The following OXR1 variants were observed in gnomAD, a reference collection of about 807,000 sequenced individuals.
OXR1 encodes oxidation resistance protein 1.
A neutral mutation model predicts 104.6 loss-of-function variants in OXR1; 41 were observed. The observed-to-expected ratio is 0.39, with a 90% CI of 0.31 to 0.51. OXR1 has a LOEUF of 0.51. OXR1 is among the 20% of genes least tolerant of loss of function. OXR1 has a pLI of 0.77. For missense variants in OXR1, 955 were observed against 1,031.9 expected (o/e 0.93, Z 1.02); for synonymous variants, 348 against 348.4 (o/e 1.00, Z 0.01).
chr8:106,334,547 T>C (rs1814873855), intron 1 of OXR1, among the ~76,000 whole-genome samples: 1 of 152,174 alleles, frequency 6.6e-6, no homozygotes, highest in East Asian at 1.9e-4. Context: ...AAGTATGATG[T>C]TAGCTGTGAA....
intron 2 of OXR1, among the ~76,000 whole-genome samples, chr8:106,467,481 A>C (rs1307946127): frequency 1.3e-5 from 2 of 151,772 alleles, no homozygotes; most frequent in African/African-American, 2.4e-5. Flanking sequence ...AGGCAGCATG[A>C]CCCTCAGCCT....
chr8:106,689,602 A>C (rs1829079914), intron 6 of OXR1, among the ~76,000 whole-genome samples: 2 of 151,962 alleles, frequency 1.3e-5, no homozygotes, highest in African/African-American at 4.8e-5. Flanking sequence ...AGGAAAGGGG[A>C]AATTTAGAAA....
chr8:106,603,997 G>A (rs1236008242), intron 3 of OXR1, among the ~76,000 whole-genome samples: 2 of 152,152 alleles, frequency 1.3e-5, no homozygotes, highest in Non-Finnish European at 1.5e-5. Flanking sequence ...TTGTTGCAGT[G>A]AGCCGAGATA....
At chr8:106,400,463 G>T (rs771272306) in intron 2 of OXR1, among the ~76,000 whole-genome samples, 1 of 152,114 alleles carries the variant, frequency 6.6e-6, no homozygotes, top group African/African-American at 2.4e-5. Context: ...TTTTAGACTG[G>T]AAGATTCCCA....
chr8:106,609,811 A>G (rs1820677505), intron 3 of OXR1, among the ~76,000 whole-genome samples: 1 of 148,638 alleles, frequency 6.7e-6, no homozygotes, highest in Non-Finnish European at 1.5e-5. Flanking sequence ...CAAATGGTTC[A>G]ATAAGTATAT....
At chr8:106,279,908 A>C (rs1044728332) in intron 1 of OXR1, among the ~76,000 whole-genome samples, 4 of 152,194 alleles carry the variant, frequency 2.6e-5, no homozygotes, top group African/African-American at 4.8e-5. Context: ...CTTGGACAGG[A>C]TAATATCCCA....
chr8:106,466,652 T>G (rs1246895243), intron 2 of OXR1, among the ~76,000 whole-genome samples: 1 of 151,876 alleles, frequency 6.6e-6, no homozygotes, highest in Non-Finnish European at 1.5e-5. Context: ...AGAAATAGAA[T>G]AATGATGAAA....
chr8:106,337,759 T>C (rs903207429), intron 1 of OXR1, among the ~76,000 whole-genome samples: 2 of 152,190 alleles, frequency 1.3e-5, no homozygotes, highest in African/African-American at 4.8e-5. Flanking sequence ...ACAAAGAAAG[T>C]GGAAGTATAA....
intron 1 of OXR1, among the ~76,000 whole-genome samples, chr8:106,356,191 T>C (rs1192556714): frequency 1.3e-5 from 2 of 152,176 alleles, no homozygotes; most frequent in Non-Finnish European, 2.9e-5. Flanking sequence ...TCTTTTTCAA[T>C]GGCTACATTT....
chr8:106,639,113 G>T (rs1270039315), intron 3 of OXR1, among the ~76,000 whole-genome samples: 1 of 152,132 alleles, frequency 6.6e-6, no homozygotes, highest in Non-Finnish European at 1.5e-5. Flanking sequence ...TTTCCTTATA[G>T]AGTTAAACCA....
chr8:106,274,270 C>T (rs1327896022), intron 1 of OXR1, among the ~76,000 whole-genome samples: 1 of 152,174 alleles, frequency 6.6e-6, no homozygotes, highest in Non-Finnish European at 1.5e-5. Flanking sequence ...ACCTTACACT[C>T]ATAAATGTAA....
At chr8:106,374,576 A>G (rs746985325) in intron 2 of OXR1, among the ~76,000 whole-genome samples, 6 of 152,214 alleles carry the variant, frequency 3.9e-5, no homozygotes, top group Non-Finnish European at 8.8e-5. Flanking sequence ...GGTCACATAA[A>G]TGATATTTAG....
intron 3 of OXR1, among the ~76,000 whole-genome samples, chr8:106,664,545 T>G (rs1826083514): frequency 6.6e-6 from 1 of 152,220 alleles, no homozygotes; most frequent in Non-Finnish European, 1.5e-5. Context: ...GTATTTGGTC[T>G]TTAAGGTATT....
At chr8:106,398,994 A>C (rs768797018) in intron 2 of OXR1, among the ~76,000 whole-genome samples, 1 of 152,092 alleles carries the variant, frequency 6.6e-6, no homozygotes, top group African/African-American at 2.4e-5. Context: ...AGTCATCTCA[A>C]CCAAATTGGA....
intron 3 of OXR1, chr8:106,605,082 A>G (rs1181628226): frequency 6.6e-6 from 1 of 152,178 alleles, no homozygotes; most frequent in Non-Finnish European, 1.5e-5. Flanking sequence ...AGGAGGTGAG[A>G]GCCTGGGACT....
intron 3 of OXR1, among the ~76,000 whole-genome samples, chr8:106,618,740 T>C (rs1821444555): frequency 6.6e-6 from 1 of 152,224 alleles, no homozygotes; most frequent in Non-Finnish European, 1.5e-5. Context: ...AGACTTGTAA[T>C]TCATTTCATT....
intron 2 of OXR1, among the ~76,000 whole-genome samples, chr8:106,443,946 T>G (rs1819900208): frequency 6.6e-6 from 1 of 152,236 alleles, no homozygotes; most frequent in Non-Finnish European, 1.5e-5. Context: ...TCTAGCCATC[T>G]GACAAAGGTC....
intron 2 of OXR1, among the ~76,000 whole-genome samples, chr8:106,499,168 CAAAAAAAAAAAAAA>C (rs71307063): frequency 1.3e-4 from 1 of 7,692 alleles, no homozygotes; most frequent in South Asian, 4.6e-3. Context: ...GACTCCGTCT[CAAAAAAAAAAAAAA>C]AAAAAAAAAA....
intron 2 of OXR1, among the ~76,000 whole-genome samples, chr8:106,504,353 T>C (rs1459131050): frequency 6.6e-6 from 1 of 152,192 alleles, no homozygotes; most frequent in Non-Finnish European, 1.5e-5. Context: ...TAAGTGTTTC[T>C]GAGAGGGCTT....
Sources: allele counts gnomAD v4.1 joint callset (sites outside exome capture counted in the v4.1 genomes callset), GRCh38; gene constraint gnomAD v4.1.1; transcripts MANE v1.5; gene names NCBI Gene and HGNC (gene_info 2026-07-23, HGNC 2026-07-21).